Variants in KCNH8 observed in about 807,000 individuals in gnomAD.
KCNH8 encodes voltage-gated delayed rectifier potassium channel KCNH8.
In KCNH8, 70 loss-of-function variants were observed where a neutral mutation model predicts 103.6. That is an observed-to-expected ratio of 0.68 (90% confidence interval 0.56 to 0.82). The LOEUF (loss-of-function observed/expected upper bound fraction) is 0.82, where lower values mean the gene tolerates loss of function less well. KCNH8 is among the 40% of genes least tolerant of loss of function. KCNH8 has a pLI of 0.00. For missense variants in KCNH8, 1,217 were observed against 1,329.9 expected, an observed-to-expected ratio of 0.92 and a Z score of 1.32; for synonymous variants, 498 against 489.4, an observed-to-expected ratio of 1.02 and a Z score of -0.23.
At chr3:19,517,281 T>C (rs1291556464) in intron 14 of KCNH8, among the ~76,000 whole-genome samples, 4 of 152,062 alleles carry the variant, frequency 2.6e-5, no homozygotes, top group African/African-American at 7.2e-5. Context: ...TGCAAAACAA[T>C]TTCTTATTAC....
chr3:19,455,207 G>A (rs2067512414), intron 10 of KCNH8, among the ~76,000 whole-genome samples: 1 of 152,152 alleles, frequency 6.6e-6, no homozygotes, highest in Admixed American at 6.6e-5. Flanking sequence ...TATGGGGCTA[G>A]AATGTGTTTG....
chr3:19,427,459 T>G (rs951344590), intron 7 of KCNH8, among the ~76,000 whole-genome samples: 1 of 152,176 alleles, frequency 6.6e-6, no homozygotes, highest in Non-Finnish European at 1.5e-5. Context: ...AGTTCTTAGT[T>G]TATTCAATAT....
chr3:19,328,027 C>G (rs1038200880), intron 3 of KCNH8, among the ~76,000 whole-genome samples: 2 of 152,134 alleles, frequency 1.3e-5, no homozygotes, highest in African/African-American at 4.8e-5. Flanking sequence ...GTCTCTCTCT[C>G]TGTCTCATTT....
chr3:19,406,789 G>T (rs900039934), intron 7 of KCNH8, among the ~76,000 whole-genome samples: 1 of 152,038 alleles, frequency 6.6e-6, no homozygotes, highest in Admixed American at 6.6e-5. Context: ...CTTTGATAAG[G>T]CCTCATAATG....
intron 11 of KCNH8, among the ~76,000 whole-genome samples, chr3:19,462,792 T>C (rs2067659513): frequency 6.6e-6 from 1 of 152,194 alleles, no homozygotes; most frequent in Non-Finnish European, 1.5e-5. Flanking sequence ...ATTTAAGTCT[T>C]TAATCCATCT....
intron 3 of KCNH8, among the ~76,000 whole-genome samples, chr3:19,314,610 C>G (rs1240987149): frequency 1.3e-5 from 2 of 151,854 alleles, no homozygotes; most frequent in Non-Finnish European, 2.9e-5. Context: ...ACAAAAAACC[C>G]CACAGTACTT....
intron 7 of KCNH8, among the ~76,000 whole-genome samples, chr3:19,421,276 C>T (rs2066947218): frequency 6.6e-6 from 1 of 152,014 alleles, no homozygotes; most frequent in African/African-American, 2.4e-5. Flanking sequence ...TGACCAAATA[C>T]TCAGTATGTT....
intron 2 of KCNH8, 60 bp downstream of exon 2, chr3:19,253,947 T>A: frequency 8.5e-7 from 1 of 1,180,638 alleles, no homozygotes; most frequent in Non-Finnish European, 1.3e-6. Flanking sequence ...TCTTTCAACC[T>A]AGTAATTGCT....
chr3:19,219,557 G>A (rs936729417), intron 1 of KCNH8, among the ~76,000 whole-genome samples: 2 of 152,104 alleles, frequency 1.3e-5, no homozygotes, highest in African/African-American at 4.8e-5. Context: ...TAATATATTG[G>A]AGTAAGGCAG....
At chr3:19,220,408 TA>T (rs761132669) in intron 1 of KCNH8, among the ~76,000 whole-genome samples, 6 of 152,204 alleles carry the variant, frequency 3.9e-5, no homozygotes, top group Non-Finnish European at 8.8e-5. Flanking sequence ...CTTGCAAAAA[TA>T]AATGCTGAAA....
chr3:19,288,380 G>A (rs1054867071), intron 3 of KCNH8, among the ~76,000 whole-genome samples: 7 of 145,624 alleles, frequency 4.8e-5, no homozygotes, highest in Admixed American at 1.4e-4. Context: ...CCCTCCCCCC[G>A]TCCCCACACC....
rs1428449758 is a variant in KCNH8, at chr3:19,534,831, TTTATTACTAAGAGGATGTAG to T, written c.*735_*754del. The T allele has an allele frequency of 1.3e-5, 2 of 152,340 alleles. No homozygotes were observed. The highest frequency in any genetic ancestry group is 2.9e-5 in the Non-Finnish European group (2 of 68,036). 9.4% of individuals were successfully genotyped at this position (152,340 alleles called of 1,614,324 possible). Reference sequence around the variant, plus strand: ...GTTGTGTATAGTAGATCAAAAATTATTTATTACTAAGAGGATGTAGTTTCCAAAGGAATCCCCCATTTTTT... The same window carrying T: ...GTTGTGTATAGTAGATCAAAAATTATTTTCCAAAGGAATCCCCCATTTTTT... On this transcript the variant is annotated 3_prime_UTR_variant, in exon 16 of 16. Transcript: ENST00000328405.
intron 4 of KCNH8, among the ~76,000 whole-genome samples, chr3:19,346,361 C>A (rs1559485462): frequency 6.6e-6 from 1 of 151,910 alleles, no homozygotes; most frequent in Non-Finnish European, 1.5e-5. Context: ...GGAGACAGGA[C>A]AAATATGAGG....
intron 3 of KCNH8, among the ~76,000 whole-genome samples, chr3:19,313,222 T>C (rs1040666303): frequency 6.6e-6 from 1 of 151,852 alleles, no homozygotes; most frequent in Non-Finnish European, 1.5e-5. Context: ...TAGGATTATT[T>C]ATGGTTGTCT....
chr3:19,168,025 T>G (rs2063302417), intron 1 of KCNH8, among the ~76,000 whole-genome samples: 1 of 152,076 alleles, frequency 6.6e-6, no homozygotes, highest in Admixed American at 6.5e-5. Flanking sequence ...TTTTTTTTTT[T>G]TTAAGATGGA....
At chr3:19,223,285 G>A (rs2063895545) in intron 1 of KCNH8, among the ~76,000 whole-genome samples, 1 of 152,004 alleles carries the variant, frequency 6.6e-6, no homozygotes, top group Non-Finnish European at 1.5e-5. Flanking sequence ...ATTTGCATAT[G>A]GTCAAAATTA....
intron 5 of KCNH8, among the ~76,000 whole-genome samples, chr3:19,349,609 G>A (rs1415676135): frequency 1.3e-5 from 2 of 151,902 alleles, no homozygotes; most frequent in Non-Finnish European, 2.9e-5. Context: ...ATTCTTCCTG[G>A]TTCTTAGATA....
At chr3:19,324,630 A>AG (rs1331599250) in intron 3 of KCNH8, among the ~76,000 whole-genome samples, 2 of 152,140 alleles carry the variant, frequency 1.3e-5, no homozygotes, top group South Asian at 2.1e-4. Flanking sequence ...ACAGCTTGCT[A>AG]GGGGGGTGAA....
intron 2 of KCNH8, among the ~76,000 whole-genome samples, chr3:19,279,043 A>G (rs1294123390): frequency 1.3e-5 from 2 of 152,156 alleles, no homozygotes; most frequent in Non-Finnish European, 2.9e-5. Flanking sequence ...TTGCAAGGTA[A>G]TTGACAGAGA....
Sources: gnomAD v4.1 joint callset for allele counts (sites outside exome capture counted in the v4.1 genomes callset) on GRCh38, gnomAD v4.1.1 for gene constraint, MANE v1.5 for transcripts, NCBI Gene and HGNC (gene_info 2026-07-23, HGNC 2026-07-21) for gene names.